Variants in CREBBP observed in about 807,000 individuals in gnomAD.
CREBBP encodes the protein CREB binding lysine acetyltransferase.
In CREBBP, 19 loss-of-function variants were observed where a neutral mutation model predicts 265.0. The observed-to-expected ratio is 0.07, with a 90% CI of 0.05 to 0.11. CREBBP has a LOEUF of 0.11. Ranked by LOEUF, CREBBP falls within the 10% of genes least tolerant of loss-of-function variation. The pLI, the probability that CREBBP is intolerant of heterozygous loss-of-function variation, is 1.00. For synonymous variants in CREBBP, 1,457 were observed against 1,223.7 expected (o/e 1.19, Z -3.98); for missense variants, 2,525 against 3,219.0 (o/e 0.78, Z 5.22).
chr16:3,798,402 G>A (rs766730659), intron 3 of CREBBP, among the ~76,000 whole-genome samples: 1 of 152,178 alleles, frequency 6.6e-6, no homozygotes, highest in Non-Finnish European at 1.5e-5. Context: ...AAGTGAAAGA[G>A]AAAATATTTG....
At chr16:3,771,300 C>T (rs572616799) in intron 13 of CREBBP, among the ~76,000 whole-genome samples, 2 of 152,180 alleles carry the variant, frequency 1.3e-5, no homozygotes, top group South Asian at 2.1e-4. Context: ...AACTCCTGAC[C>T]TCAAGTGATC....
intron 2 of CREBBP, among the ~76,000 whole-genome samples, chr16:3,817,015 C>G (rs2054049294): frequency 6.6e-6 from 1 of 152,188 alleles, no homozygotes; most frequent in African/African-American, 2.4e-5. Context: ...TCAAAACTTC[C>G]AAACAAGGAT....
At chr16:3,764,911 A>G (rs1263673820) in intron 16 of CREBBP, among the ~76,000 whole-genome samples, 1 of 152,040 alleles carries the variant, frequency 6.6e-6, no homozygotes, top group Non-Finnish European at 1.5e-5. Context: ...AGATAGTAAA[A>G]AGTATTCCTT....
At chr16:3,862,259 A>T (rs757524312) in intron 1 of CREBBP, among the ~76,000 whole-genome samples, 9 of 152,222 alleles carry the variant, frequency 5.9e-5, no homozygotes, top group Non-Finnish European at 4.4e-5. Flanking sequence ...TGACAACTCC[A>T]AAGAGGCAGG....
intron 5 of CREBBP, among the ~76,000 whole-genome samples, chr16:3,783,258 C>A (rs1004351581): frequency 6.6e-6 from 1 of 152,154 alleles, no homozygotes; most frequent in African/African-American, 2.4e-5. Flanking sequence ...CAGGGAGTGG[C>A]AAATGTATGA....
chr16:3,800,204 C>T (rs2053684750), intron 3 of CREBBP, among the ~76,000 whole-genome samples: 1 of 152,128 alleles, frequency 6.6e-6, no homozygotes, highest in Non-Finnish European at 1.5e-5. Context: ...CACAGTCTCA[C>T]CCTCCTGGGC....
intron 1 of CREBBP, among the ~76,000 whole-genome samples, chr16:3,853,961 A>AACACACACACAC (rs371504662): frequency 6.9e-6 from 1 of 145,132 alleles, no homozygotes; most frequent in African/African-American, 2.7e-5. Context: ...CAAACAAACA[A>AACACACACACAC]ACACACACAC....
intron 2 of CREBBP, among the ~76,000 whole-genome samples, chr16:3,820,681 T>C (rs367807940): frequency 3.9e-5 from 6 of 152,266 alleles, no homozygotes; most frequent in East Asian, 1.9e-4. Context: ...CTGGGCAACG[T>C]AGCAAAACCC....
chr16:3,780,772 G>A lies in CREBBP; in HGVS notation c.1783C>T (p.His595Tyr). 1 of 1,614,100 alleles carries A rather than the reference G, an allele frequency of 6.2e-7. No homozygotes were observed. Among genetic ancestry groups the A allele is most frequent in the Non-Finnish European group, 8.5e-7 (1 of 1,180,026 alleles). The change falls in exon 8 of 31, where the codon CAT (histidine) becomes TAT (tyrosine). Residue 595 changes from histidine to tyrosine, a missense_variant. Transcript: ENST00000262367. ...TGGCTCCGCAGGTCCTGAGTGACAT[G>A]TTCGTGCCAGCCTTTCCTTACACCG... Reference protein sequence around the residue: ...STGVRKGWHEHVTQDLRSHLV... With the variant: ...STGVRKGWHEYVTQDLRSHLV...
At chr16:3,863,763 T>C (rs574428474) in intron 1 of CREBBP, among the ~76,000 whole-genome samples, 1 of 152,268 alleles carries the variant, frequency 6.6e-6, no homozygotes, top group South Asian at 2.1e-4. Context: ...ACAACGTTAG[T>C]TTCCTCAACA....
intron 2 of CREBBP, among the ~76,000 whole-genome samples, chr16:3,815,514 A>AG (rs903078275): frequency 2.4e-5 from 3 of 124,506 alleles, no homozygotes; most frequent in African/African-American, 9.7e-5. Context: ...TGGATGACAG[A>AG]GGGGAGACTC....
intron 11 of CREBBP, among the ~76,000 whole-genome samples, chr16:3,776,805 G>A (rs1482342895): frequency 6.6e-6 from 1 of 150,652 alleles, no homozygotes; most frequent in African/African-American, 2.4e-5. Context: ...AAGTTCACGC[G>A]ATTGAGACCA....
intron 14 of CREBBP, 87 bp from the exon 15 acceptor site, chr16:3,769,440 C>A: frequency 6.6e-7 from 1 of 1,509,040 alleles, no homozygotes; most frequent in Non-Finnish European, 9.2e-7. Flanking sequence ...CTACAATTTC[C>A]CATTAACATT....
chr16:3,755,919 C>T (rs1486540028), intron 19 of CREBBP, among the ~76,000 whole-genome samples: 1 of 151,908 alleles, frequency 6.6e-6, no homozygotes, highest in Non-Finnish European at 1.5e-5. Flanking sequence ...CAGGCTTATT[C>T]CTAATAGAAA....
At chr16:3,837,735 G>T (rs1032339763) in intron 2 of CREBBP, among the ~76,000 whole-genome samples, 16 of 151,984 alleles carry the variant, frequency 1.1e-4, no homozygotes, top group Non-Finnish European at 1.9e-4. Flanking sequence ...TTTAAGCTAA[G>T]TGTTAATACA....
In CREBBP at chr16:3,850,673, G is replaced by C. The variant is rs573905785; in HGVS notation, c.422C>G (p.Ser141Cys). 1.9e-6 allele frequency: 3 copies of C among 1,614,214 alleles called. No individual in the cohort carries two copies. Among genetic ancestry groups the C allele is most frequent in the East Asian group, 4.5e-5 (2 of 44,884 alleles). ...TTGGGAGGCAGCGGGGGTGGGCCCA[G>C]AGGTGCTGGCTGCCTGTTTAGGCAG... ...PSLPKQAAST[S>C]GPTPAASQAL... is the part of the protein sequence containing the mutation. Residue 141 changes from serine to cysteine, a missense_variant, in exon 2 of 31, where the codon TCT becomes TGT. Coordinates refer to ENST00000262367, the MANE Select transcript of CREBBP (RefSeq NM_004380.3).
rs370778624 is a variant in CREBBP, at chr16:3,751,853, C to T, written c.3699-47G>A. The T allele has an allele frequency of 2.5e-6, 4 of 1,583,648 alleles. No homozygotes were observed. The African/African-American group carries it at 5.4e-5, about 21-fold the overall frequency. On this transcript the variant is annotated intron_variant, in intron 19 of 30. Coordinates refer to ENST00000262367, the MANE Select transcript of CREBBP (RefSeq NM_004380.3). Reference sequence around the variant, plus strand: ...TTGGGTGAACTGGTCCATCATAACACACAGCCACCCAAGCAACGAAGCCAC... The same window carrying T: ...TTGGGTGAACTGGTCCATCATAACATACAGCCACCCAAGCAACGAAGCCAC...
chr16:3,756,852 T>C (rs1453358801), intron 19 of CREBBP, among the ~76,000 whole-genome samples: 1 of 152,144 alleles, frequency 6.6e-6, no homozygotes, highest in Admixed American at 6.5e-5. Flanking sequence ...CTTCAGACGC[T>C]TGCTTCTAGG....
At chr16:3,736,572 C>T (rs1379869433) in intron 27 of CREBBP, 78 bp downstream of exon 27, 22 of 1,578,310 alleles carry the variant, frequency 1.4e-5, no homozygotes, top group African/African-American at 1.1e-4. Context: ...AACAAGTATG[C>T]GAATGCAAGA....
Sources: allele counts gnomAD v4.1 joint callset (sites outside exome capture counted in the v4.1 genomes callset), GRCh38; gene constraint gnomAD v4.1.1; transcripts MANE v1.5; gene names NCBI Gene and HGNC (gene_info 2026-07-23, HGNC 2026-07-21).